Variants in VAV1 observed in about 807,000 individuals in gnomAD.
The protein encoded by VAV1 is proto-oncogene vav.
Under a neutral mutation model 128.1 loss-of-function variants are expected in VAV1, and 33 were observed. The ratio of observed to expected loss-of-function variants is 0.26; its 90% CI spans 0.20 to 0.34. VAV1 has a LOEUF of 0.34. Among genes scored for constraint, VAV1 ranks in the 10% least tolerant of loss-of-function variants. The probability of loss-of-function intolerance (pLI) is 1.00; values close to 1 mark genes in which losing one functional copy is unlikely to be tolerated. For missense variants in VAV1, 715 were observed against 1,093.7 expected (o/e 0.65, Z 4.88); for synonymous variants, 394 against 409.8 (o/e 0.96, Z 0.47).
intron 1 of VAV1, among the ~76,000 whole-genome samples, chr19:6,805,352 G>T (rs555839146): frequency 6.6e-6 from 1 of 152,120 alleles, no homozygotes; most frequent in South Asian, 2.1e-4. Flanking sequence ...TTGAACCCGG[G>T]AGGTGGAGGT....
chr19:6,838,612 C>A (rs560557618), intron 21 of VAV1, among the ~76,000 whole-genome samples: 3 of 152,100 alleles, frequency 2.0e-5, no homozygotes, highest in Admixed American at 6.6e-5. Context: ...TATTTATTAT[C>A]ATTTCTCTCT....
At chr19:6,804,105 C>G (rs1365497687) in intron 1 of VAV1, among the ~76,000 whole-genome samples, 2 of 152,052 alleles carry the variant, frequency 1.3e-5, no homozygotes, top group Admixed American at 1.3e-4. Context: ...AGCATGGAAG[C>G]TTTCCACGGC....
intron 1 of VAV1, among the ~76,000 whole-genome samples, chr19:6,808,982 A>G (rs1400018037): frequency 6.6e-6 from 1 of 152,192 alleles, no homozygotes. Flanking sequence ...GAGTATTCCA[A>G]GAAAGCAACA....
intron 20 of VAV1, 46 bp from the exon 21 acceptor site, chr19:6,836,939 G>T (rs1322121944): frequency 6.2e-7 from 1 of 1,601,890 alleles, no homozygotes. Context: ...TGGGGTTATG[G>T]ATCCTATAAC....
chr19:6,809,879 C>G (rs929367832), intron 1 of VAV1, among the ~76,000 whole-genome samples: 1 of 151,794 alleles, frequency 6.6e-6, no homozygotes, highest in African/African-American at 2.4e-5. Flanking sequence ...TCAATGAATC[C>G]TCCATTTCCA....
intron 25 of VAV1, among the ~76,000 whole-genome samples, chr19:6,853,745 G>A (rs1023642117): frequency 1.3e-5 from 2 of 150,302 alleles, no homozygotes; most frequent in African/African-American, 5.0e-5. Flanking sequence ...AAAAAAAAAA[G>A]TGTTATTTTC....
At chr19:6,801,629 CT>C (rs1971272003) in intron 1 of VAV1, among the ~76,000 whole-genome samples, 1 of 152,056 alleles carries the variant, frequency 6.6e-6, no homozygotes, top group East Asian at 1.9e-4. Flanking sequence ...TCCACCCACC[CT>C]TTTTTCTATC....
At chr19:6,855,538 T>A (rs1200921575) in intron 26 of VAV1, among the ~76,000 whole-genome samples, 1 of 152,018 alleles carries the variant, frequency 6.6e-6, no homozygotes, top group African/African-American at 2.4e-5. Context: ...CACTCACGCA[T>A]CTATCTAACC....
At chr19:6,821,521 G>A in intron 2 of VAV1, 101 bp from the exon 3 acceptor site, 4 of 1,394,808 alleles carry the variant, frequency 2.9e-6, no homozygotes. Context: ...CTTCCAAGAG[G>A]CATGGGATCT....
Position 6,804,324 on chromosome 19 carries a change from G to T in VAV1, c.205-16378G>T, listed in dbSNP as rs1483643437. On this transcript the variant is annotated intron_variant, in intron 1 of 26. Transcript: ENST00000602142. Reference sequence around the variant, plus strand: ...GGTAGACGAAAACAGCTTTATTGCCGTGGCAGTGTTACAGCTCCATGACTG... The same window carrying T: ...GGTAGACGAAAACAGCTTTATTGCCTTGGCAGTGTTACAGCTCCATGACTG... Among the ~76,000 whole-genome samples the T allele has an allele frequency of 2.6e-5, 4 of 152,052 alleles. No individual in the cohort carries two copies. The South Asian group carries it at 8.3e-4, about 32-fold the overall frequency.
At chr19:6,839,672 T>C (rs561989006) in intron 21 of VAV1, among the ~76,000 whole-genome samples, 6 of 152,266 alleles carry the variant, frequency 3.9e-5, no homozygotes, top group South Asian at 4.1e-4. Context: ...TGGCAAAATA[T>C]ATAGAACATA....
chr19:6,844,992 A>G (rs1972482245), intron 22 of VAV1, among the ~76,000 whole-genome samples: 1 of 152,060 alleles, frequency 6.6e-6, no homozygotes, highest in Non-Finnish European at 1.5e-5. Context: ...CTTTATTCAA[A>G]ATGTTGATGT....
At chr19:6,831,118 G>T (rs1437328556) in intron 14 of VAV1, among the ~76,000 whole-genome samples, 3 of 152,038 alleles carry the variant, frequency 2.0e-5, no homozygotes, top group African/African-American at 2.4e-5. Context: ...AGGAGATGTG[G>T]CTGTGGTAGG....
rs1195928000 is a variant in VAV1, at chr19:6,772,899, G to C, written c.92G>C (p.Cys31Ser). 6.2e-7 allele frequency: 1 copy of C among 1,614,022 alleles called. No individual in the cohort carries two copies. The highest frequency in any genetic ancestry group is 8.5e-7 in the Non-Finnish European group (1 of 1,180,010). Residue 31 changes from cysteine to serine, a missense_variant, in exon 1 of 27, where the codon TGT (cysteine) becomes TCT (serine). Physicochemically the swap from Cys to Ser is moderately radical, Grantham distance 112. Transcript: ENST00000602142. This position sits in a 1 kb window ranked among gnomAD's most constrained non-coding sequence, Gnocchi z 4.8. ...GTGACCTGGGATGGGGCTCAGGTGT[G>C]TGAACTGGCCCAGGCCCTCCGGGAT... ...HRVTWDGAQV[C>S]ELAQALRDGV...
At chr19:6,791,880 C>T (rs950440853) in intron 1 of VAV1, among the ~76,000 whole-genome samples, 1 of 151,882 alleles carries the variant, frequency 6.6e-6, no homozygotes, top group Non-Finnish European at 1.5e-5. Context: ...GTGCAAATGC[C>T]CTAAGGTGAG....
chr19:6,780,431 A>G (rs921704930), intron 1 of VAV1, among the ~76,000 whole-genome samples: 12 of 150,710 alleles, frequency 8.0e-5, no homozygotes, highest in African/African-American at 2.9e-4. Flanking sequence ...ACATTTACAT[A>G]AACCTAGAGG....
chr19:6,802,568 G>C (rs987028244), intron 1 of VAV1, among the ~76,000 whole-genome samples: 1 of 152,066 alleles, frequency 6.6e-6, no homozygotes, highest in African/African-American at 2.4e-5. Flanking sequence ...TCCGGGTTCA[G>C]CTGATCTCCC....
intron 13 of VAV1, 149 bp from the exon 14 acceptor site, chr19:6,829,637 G>A: frequency 8.5e-7 from 1 of 1,169,748 alleles, no homozygotes; most frequent in East Asian, 2.4e-5. Flanking sequence ...GATCACGTGG[G>A]TGAAGTCAGG....
At chr19:6,801,889 A>C (rs1427586410) in intron 1 of VAV1, among the ~76,000 whole-genome samples, 1 of 152,152 alleles carries the variant, frequency 6.6e-6, no homozygotes, top group Non-Finnish European at 1.5e-5. Flanking sequence ...ATGGGGAAGA[A>C]TGAACCTCAG....
Sources: allele counts gnomAD v4.1 joint callset (sites outside exome capture counted in the v4.1 genomes callset), GRCh38; gene constraint gnomAD v4.1.1; non-coding constraint Gnocchi (gnomAD v3.1); transcripts MANE v1.5; gene names NCBI Gene and HGNC (gene_info 2026-07-23, HGNC 2026-07-21).